DPP10: variants seen among roughly 807,000 people sequenced by gnomAD.
DPP10 encodes the protein inactive dipeptidyl peptidase 10.
DPP10 carries 33 observed loss-of-function variants against 120.9 expected under a neutral mutation model. That is an observed-to-expected ratio of 0.27 (90% CI 0.21 to 0.37). DPP10 has a LOEUF of 0.37. Ranked by LOEUF, DPP10 falls within the 10% of genes least tolerant of loss-of-function variation. The pLI is 1.00. For missense variants in DPP10, 816 were observed against 942.8 expected (o/e 0.87, Z 1.76); for synonymous variants, 337 against 326.1 (o/e 1.03, Z -0.36).
At chr2:114,978,821 G>A (rs1362272986) in intron 1 of DPP10, among the ~76,000 whole-genome samples, 1 of 152,128 alleles carries the variant, frequency 6.6e-6, no homozygotes, top group Admixed American at 6.6e-5. Context: ...ATACTTTAAT[G>A]AAGAGGAATG....
intron 1 of DPP10, among the ~76,000 whole-genome samples, chr2:114,862,727 C>T (rs1689912290): frequency 6.6e-6 from 1 of 151,850 alleles, no homozygotes; most frequent in South Asian, 2.1e-4. Flanking sequence ...GAAATGTAGG[C>T]TGAAGATTAT....
At chr2:114,622,207 G>A (rs1052731330) in intron 1 of DPP10, among the ~76,000 whole-genome samples, 1 of 151,932 alleles carries the variant, frequency 6.6e-6, no homozygotes, top group Non-Finnish European at 1.5e-5. Context: ...GGCAGAAAGC[G>A]TGGTATATGG....
chr2:114,517,812 T>G (rs1684724693), intron 1 of DPP10, among the ~76,000 whole-genome samples: 1 of 152,206 alleles, frequency 6.6e-6, no homozygotes, highest in Admixed American at 6.5e-5. Context: ...AACACCCAGC[T>G]GCAGAGCGGA....
rs552307401 is a variant in DPP10, at chr2:114,881,886, A to G, written c.61-427353A>G. Among the ~76,000 whole-genome samples, 5 of 152,256 alleles carry G rather than the reference A, an allele frequency of 3.3e-5. No homozygotes were observed. The South Asian group carries it at 1.0e-3, about 32-fold the overall frequency. ...AACAGTCCATAGTGTATATGCTGAG[A>G]GCAAATAAACTGAGTCAGTAATATA... On this transcript the variant is annotated intron_variant, in intron 1 of 25. Coordinates refer to ENST00000410059, the MANE Select transcript of DPP10 (RefSeq NM_020868.6).
At chr2:115,070,771 C>T (rs1489395292) in intron 1 of DPP10, among the ~76,000 whole-genome samples, 1 of 152,076 alleles carries the variant, frequency 6.6e-6, no homozygotes, top group Non-Finnish European at 1.5e-5. Context: ...AAATAAATAT[C>T]ATTTTAATTC....
intron 1 of DPP10, among the ~76,000 whole-genome samples, chr2:114,945,784 C>T (rs1356959031): frequency 6.6e-6 from 1 of 152,122 alleles, no homozygotes; most frequent in African/African-American, 2.4e-5. Flanking sequence ...CCATTGCACT[C>T]CAGCCTGGGC....
At chr2:115,617,289 T>TATATATATATATATATATATATAC (rs67359999) in intron 5 of DPP10, among the ~76,000 whole-genome samples, 11 of 136,522 alleles carry the variant, frequency 8.1e-5, no homozygotes, top group South Asian at 4.7e-4. Flanking sequence ...TATATATATA[T>TATATATATATATATATATATATAC]ACACACATAG....
chr2:115,245,027 A>G (rs1318862843), intron 1 of DPP10, among the ~76,000 whole-genome samples: 1 of 151,948 alleles, frequency 6.6e-6, no homozygotes, highest in Non-Finnish European at 1.5e-5. Context: ...TCCAAAGTCC[A>G]TCGTATCATT....
intron 5 of DPP10, among the ~76,000 whole-genome samples, chr2:115,528,729 C>T (rs966417175): frequency 8.6e-5 from 13 of 151,500 alleles, no homozygotes; most frequent in African/African-American, 1.9e-4. Context: ...GATAAATCTT[C>T]GGAATTATGC....
At chr2:115,223,961 C>A (rs2057308231) in intron 1 of DPP10, among the ~76,000 whole-genome samples, 1 of 152,056 alleles carries the variant, frequency 6.6e-6, no homozygotes, top group Admixed American at 6.6e-5. Context: ...CTATTCATAT[C>A]AAAGCTGCAA....
In DPP10 at chr2:115,086,549, C is replaced by T. The variant is rs562765105; in HGVS notation, c.61-222690C>T. Among the ~76,000 whole-genome samples, 17 of 150,690 alleles carry T rather than the reference C, an allele frequency of 1.1e-4. No homozygotes were observed. The East Asian group carries it at 1.4e-3, about 12-fold the overall frequency. ...TCGGCTCACTGCAAGCTCCGCCTTC[C>T]GGGTTCACACCATTCTCCTGCCTCA... On this transcript the variant is annotated intron_variant, in intron 1 of 25. Coordinates refer to ENST00000410059, the MANE Select transcript of DPP10 (RefSeq NM_020868.6).
chr2:115,554,809 A>T (rs184901661), intron 5 of DPP10, among the ~76,000 whole-genome samples: 6 of 152,114 alleles, frequency 3.9e-5, no homozygotes, highest in South Asian at 2.1e-4. Context: ...CTTCTTTTTC[A>T]TCATATCACT....
chr2:114,456,111 G>A lies in DPP10; in HGVS notation c.60+13273G>A, dbSNP rs540751354. ...CTCACGTTTTCATGGTCATCACCCC[G>A]CTCAAGTCCTTATCATGTATTACTA... On this transcript the variant is annotated intron_variant, in intron 1 of 25. Coordinates refer to ENST00000410059, the MANE Select transcript of DPP10 (RefSeq NM_020868.6). 9.2e-5 allele frequency among the ~76,000 whole-genome samples: 14 copies of A among 152,196 alleles called. No homozygotes were observed. The East Asian group carries it at 1.4e-3, about 15-fold the overall frequency.
chr2:114,684,401 A>T (rs760429826), intron 1 of DPP10, among the ~76,000 whole-genome samples: 3 of 151,960 alleles, frequency 2.0e-5, no homozygotes, highest in Non-Finnish European at 2.9e-5. Flanking sequence ...TGCAGTACAG[A>T]GAGAAATTTT....
chr2:115,017,492 T>C (rs965728028), intron 1 of DPP10, among the ~76,000 whole-genome samples: 13 of 152,006 alleles, frequency 8.6e-5, no homozygotes, highest in Non-Finnish European at 1.6e-4. Context: ...ACCCAGCCAT[T>C]CCATTACTGG....
At chr2:115,475,521 G>A (rs2075018858) in intron 3 of DPP10, among the ~76,000 whole-genome samples, 1 of 152,236 alleles carries the variant, frequency 6.6e-6, no homozygotes, top group African/African-American at 2.4e-5. Flanking sequence ...GAGGGAACAT[G>A]TGGGGTTGGA....
intron 3 of DPP10, among the ~76,000 whole-genome samples, chr2:115,474,029 A>T (rs1438664155): frequency 6.6e-6 from 1 of 152,194 alleles, no homozygotes; most frequent in Non-Finnish European, 1.5e-5. Flanking sequence ...TGATGGTGTT[A>T]TGAGATGACG....
chr2:115,425,368 G>GT (rs1466366609), intron 3 of DPP10, among the ~76,000 whole-genome samples: 1 of 152,088 alleles, frequency 6.6e-6, no homozygotes, highest in Admixed American at 6.5e-5. Flanking sequence ...TTTTTACGTT[G>GT]TTTTTGTTGC....
intron 1 of DPP10, among the ~76,000 whole-genome samples, chr2:114,916,295 A>C (rs920775785): frequency 6.6e-6 from 1 of 152,192 alleles, no homozygotes; most frequent in Non-Finnish European, 1.5e-5. Context: ...GAATACCTGA[A>C]CAGACCAAGA....
Sources: allele counts gnomAD v4.1 joint callset (sites outside exome capture counted in the v4.1 genomes callset), GRCh38; gene constraint gnomAD v4.1.1; transcripts MANE v1.5; gene names NCBI Gene and HGNC (gene_info 2026-07-23, HGNC 2026-07-21).